DPF3: variants seen among roughly 807,000 people sequenced by gnomAD.
DPF3 encodes the protein double PHD fingers 3, also known as zinc finger protein DPF3.
A neutral mutation model predicts 56.8 loss-of-function variants in DPF3; 18 were observed. That is an observed-to-expected ratio of 0.32 (90% CI 0.22 to 0.47). DPF3 has a LOEUF of 0.47. Among genes scored for constraint, DPF3 ranks in the 20% least tolerant of loss-of-function variants. The pLI is 1.00. For missense variants in DPF3, 403 were observed against 488.8 expected (o/e 0.82, Z 1.65); for synonymous variants, 188 against 180.2 (o/e 1.04, Z -0.35).
intron 1 of DPF3, among the ~76,000 whole-genome samples, chr14:72,795,681 G>C (rs1219357964): frequency 6.6e-6 from 1 of 152,174 alleles, no homozygotes; most frequent in Non-Finnish European, 1.5e-5. Flanking sequence ...AGGAATCAGA[G>C]GGGCTGTTTG....
chr14:72,782,003 T>C (rs1891994976), intron 1 of DPF3, among the ~76,000 whole-genome samples: 1 of 152,154 alleles, frequency 6.6e-6, no homozygotes. Flanking sequence ...AAACTCTCAC[T>C]ATGAGCTGGG....
At chr14:72,794,306 A>G (rs1031187139) in intron 1 of DPF3, among the ~76,000 whole-genome samples, 2 of 152,222 alleles carry the variant, frequency 1.3e-5, no homozygotes, top group Admixed American at 1.3e-4. Flanking sequence ...CACCAGTGCC[A>G]GAAAAAGCCA....
chr14:72,875,564 G>A lies in DPF3; in HGVS notation c.32+18493C>T, dbSNP rs1886080501. On this transcript the variant is annotated intron_variant, in intron 1 of 10. Transcript: ENST00000556509. ...TAGGAATCCTACCCAAGGCCATAGG[G>A]CTTGAACTTGAACCCAAACTCTCTG... 2.0e-5 allele frequency among the ~76,000 whole-genome samples: 3 copies of A among 152,308 alleles called. No individual in the cohort carries two copies. The South Asian group carries it at 6.2e-4, about 32-fold the overall frequency.
intron 2 of DPF3, among the ~76,000 whole-genome samples, chr14:72,770,764 T>C (rs1327856582): frequency 6.6e-6 from 1 of 152,234 alleles, no homozygotes; most frequent in Non-Finnish European, 1.5e-5. Flanking sequence ...TTTAAAAACA[T>C]ATCCAGGCAG....
intron 1 of DPF3, among the ~76,000 whole-genome samples, chr14:72,887,065 T>C (rs953224994): frequency 6.6e-6 from 1 of 151,776 alleles, no homozygotes; most frequent in Non-Finnish European, 1.5e-5. Context: ...ATAGGTGCCA[T>C]GGTAGAGGAG....
At chr14:72,690,501 C>T (rs922813290) in intron 7 of DPF3, among the ~76,000 whole-genome samples, 2 of 151,718 alleles carry the variant, frequency 1.3e-5, no homozygotes, top group Non-Finnish European at 2.9e-5. Flanking sequence ...GGTACACACA[C>T]AATACACATG....
intron 8 of DPF3, among the ~76,000 whole-genome samples, chr14:72,655,957 G>A (rs981571599): frequency 1.5e-4 from 23 of 152,194 alleles, no homozygotes; most frequent in African/African-American, 4.6e-4. Context: ...CATCAGCCTC[G>A]ACAGTCTAAA....
At chr14:72,660,489 G>A (rs1344894405) in intron 8 of DPF3, among the ~76,000 whole-genome samples, 1 of 152,162 alleles carries the variant, frequency 6.6e-6, no homozygotes, top group Non-Finnish European at 1.5e-5. Flanking sequence ...CAGATAAGAG[G>A]GCCCATCTTC....
chr14:72,835,249 G>A (rs748615408), intron 1 of DPF3, among the ~76,000 whole-genome samples: 1 of 152,144 alleles, frequency 6.6e-6, no homozygotes, highest in Non-Finnish European at 1.5e-5. Flanking sequence ...TGTATTTTTA[G>A]TAGAGACGGG....
intron 2 of DPF3, among the ~76,000 whole-genome samples, chr14:72,756,107 G>A (rs1319815844): frequency 6.6e-6 from 1 of 152,060 alleles, no homozygotes; most frequent in African/African-American, 2.4e-5. Context: ...GCTGGGGAGG[G>A]GACATGAAGG....
intron 3 of DPF3, among the ~76,000 whole-genome samples, chr14:72,749,174 G>T (rs527348954): frequency 1.3e-5 from 2 of 152,356 alleles, no homozygotes; most frequent in South Asian, 4.1e-4. Context: ...GGGTGGAGTT[G>T]CCCAAGATCA....
chr14:72,821,509 T>C (rs955384995), intron 1 of DPF3, among the ~76,000 whole-genome samples: 2 of 150,074 alleles, frequency 1.3e-5, no homozygotes, highest in Non-Finnish European at 3.0e-5. Context: ...GAGTAAACGC[T>C]GGCATCAATA....
At chr14:72,827,339 C>A (rs1157821666) in intron 1 of DPF3, among the ~76,000 whole-genome samples, 2 of 152,044 alleles carry the variant, frequency 1.3e-5, no homozygotes, top group Non-Finnish European at 1.5e-5. Context: ...GGCCTCCAGG[C>A]AGGTCCATGC....
In DPF3 at chr14:72,747,957, G is replaced by A. The variant is rs139861487; in HGVS notation, c.301+5307C>T. Among the ~76,000 whole-genome samples, 1,174 of 152,346 alleles carry A rather than the reference G, an allele frequency of 7.7e-3. 10 individuals carry two copies. The highest frequency in any genetic ancestry group is 0.054 in the Middle Eastern group (16 of 294). The stretch of plus-strand genomic sequence containing the variant: ...TTGTAAATTGCCCAGTCTCAAGTAT[G>A]TGTTTATCAGCAGTGTGAAAACAGA... On this transcript the variant is annotated intron_variant, in intron 3 of 10. Coordinates refer to ENST00000556509, the MANE Select transcript of DPF3 (RefSeq NM_001280542.3).
intron 9 of DPF3, among the ~76,000 whole-genome samples, chr14:72,623,865 G>A (rs111278697): frequency 0.01 from 1,525 of 152,176 alleles, 25 homozygotes; most frequent in African/African-American, 0.034. Flanking sequence ...TAGGAGTCCT[G>A]GGAGAAATAA....
At chr14:72,622,625 G>GGGTTGACC (rs1884526610) in intron 9 of DPF3, among the ~76,000 whole-genome samples, 1 of 151,894 alleles carries the variant, frequency 6.6e-6, no homozygotes, top group South Asian at 2.1e-4. Flanking sequence ...CATTTTGCAT[G>GGGTTGACC]GGTTGACCAC....
chr14:72,718,507 G>A (rs780716835), intron 5 of DPF3, among the ~76,000 whole-genome samples: 1 of 152,142 alleles, frequency 6.6e-6, no homozygotes, highest in Non-Finnish European at 1.5e-5. Flanking sequence ...TTCCAGAGGC[G>A]ACATGACACG....
intron 9 of DPF3, among the ~76,000 whole-genome samples, chr14:72,629,214 G>A (rs1885021621): frequency 1.3e-5 from 2 of 152,188 alleles, no homozygotes; most frequent in South Asian, 4.1e-4. Context: ...GGAGACTATG[G>A]AGAGGGAGGT....
intron 1 of DPF3, among the ~76,000 whole-genome samples, chr14:72,783,552 C>T (rs762765027): frequency 6.6e-6 from 1 of 152,218 alleles, no homozygotes; most frequent in Non-Finnish European, 1.5e-5. Context: ...TTCTGCCCAA[C>T]ACAACATAAA....
Sources: gnomAD v4.1 joint callset for allele counts (sites outside exome capture counted in the v4.1 genomes callset) on GRCh38, gnomAD v4.1.1 for gene constraint, MANE v1.5 for transcripts, NCBI Gene and HGNC (gene_info 2026-07-23, HGNC 2026-07-21) for gene names.